The following APTX variants were observed in gnomAD, a reference collection of about 807,000 sequenced individuals.
The protein encoded by APTX is forkhead-associated domain histidine triad-like protein.
A neutral mutation model predicts 42.3 loss-of-function variants in APTX; 33 were observed. The ratio of observed to expected loss-of-function variants is 0.78; its 90% confidence interval spans 0.59 to 1.04. The LOEUF (loss-of-function observed/expected upper bound fraction) is 1.04, where lower values mean the gene tolerates loss of function less well. Ranked by LOEUF, APTX falls within the 50% of genes least tolerant of loss-of-function variation. The probability of loss-of-function intolerance (pLI) is 0.00; values close to 1 mark genes in which losing one functional copy is unlikely to be tolerated. For missense variants in APTX, 421 were observed against 415.1 expected, an observed-to-expected ratio of 1.01 and a Z score of -0.12; for synonymous variants, 130 against 146.7, an observed-to-expected ratio of 0.89 and a Z score of 0.82.
intron 2 of APTX, among the ~76,000 whole-genome samples, chr9:32,988,668 G>A (rs1391969962): frequency 1.8e-5 from 2 of 112,294 alleles, no homozygotes; most frequent in Non-Finnish European, 3.4e-5. Flanking sequence ...GCAACAGAGT[G>A]AGACCCTATC....
At chr9:33,025,002 T>G (rs1838755186) in intron 1 of APTX, 1 of 152,162 alleles carries the variant, frequency 6.6e-6, no homozygotes, top group South Asian at 2.1e-4. Flanking sequence ...GGACTTGCAG[T>G]GCTCCTGGGC....
intron 1 of APTX, among the ~76,000 whole-genome samples, chr9:32,999,390 G>A (rs1835731534): frequency 6.6e-6 from 1 of 152,160 alleles, no homozygotes; most frequent in Non-Finnish European, 1.5e-5. Context: ...AGTTATAATG[G>A]ACCACCAAGG....
At chr9:32,973,759 G>C (rs1828644356) in intron 7 of APTX, 107 bp from the exon 8 acceptor site, 2 of 1,432,292 alleles carry the variant, frequency 1.4e-6, no homozygotes, top group East Asian at 2.3e-5. Flanking sequence ...CAGTATGCCA[G>C]GCCAGGTATT....
chr9:32,985,849 C>A, intron 5 of APTX, 122 bp downstream of exon 5: 1 of 938,168 alleles, frequency 1.1e-6, no homozygotes. Context: ...CACAGAACAG[C>A]CCAATAAAAT....
Position 33,024,859 on chromosome 9 carries a change from A to AG in APTX, c.-5+163dup, listed in dbSNP as rs776208094. 32 of 6,818 alleles carry AG rather than the reference A, an allele frequency of 4.7e-3. 1 individual carries two copies. The South Asian group carries it at 0.069, about 15-fold the overall frequency. 0.4% of individuals were successfully genotyped at this position (6,818 alleles called of 1,614,324 possible). A position where few individuals can be genotyped will look rare whatever the true frequency, so the allele number is the denominator to read the frequency against. On this transcript the variant is annotated intron_variant, in intron 1 of 6. Transcript: ENST00000436040. ...CCCAAAAAGAGAAGAGGCGCCCGTA[A>AG]GAGGGGGGGGGGGGGGGGCAAGACT...
chr9:33,024,861 AGGGGGGG>A (rs67524781), intron 1 of APTX: 10,657 of 54,926 alleles, frequency 0.19, 2,069 homozygotes, highest in Non-Finnish European at 0.26. Context: ...CGCCCGTAAG[AGGGGGGG>A]GGGGGGGGGC....
rs370830283 is a variant in APTX, at chr9:32,996,292, T to TC, written c.-5+5274dup. On this transcript the variant is annotated intron_variant, in intron 1 of 7. Coordinates refer to ENST00000379817, the MANE Select transcript of APTX (RefSeq NM_001195248.2). ...AATAAATCGCTCTTTTTTTTTTTTT[T>TC]CTGAGACAGGGTCTCACTCTGTTGC... is the stretch of plus-strand genomic sequence containing the variant. Among the ~76,000 whole-genome samples the TC allele has an allele frequency of 3.3e-5, 5 of 151,444 alleles. No individual in the cohort carries two copies. In the East Asian group the frequency reaches 5.8e-4, roughly 18 times the overall value.
At chr9:33,004,188 C>T (rs1244883412), upstream of APTX, among the ~76,000 whole-genome samples, 1 of 152,224 alleles carries the variant, frequency 6.6e-6, no homozygotes, top group Non-Finnish European at 1.5e-5. Flanking sequence ...CCAAATACCA[C>T]ATGTTCTCAC....
intron 1 of APTX, among the ~76,000 whole-genome samples, chr9:33,015,454 G>A (rs1198432847): frequency 6.6e-6 from 1 of 152,142 alleles, no homozygotes; most frequent in Non-Finnish European, 1.5e-5. Flanking sequence ...CACCTCCCGG[G>A]TTCAAGTGAT....
At chr9:32,976,148 T>C (rs1829335359) in intron 6 of APTX, among the ~76,000 whole-genome samples, 1 of 151,498 alleles carries the variant, frequency 6.6e-6, no homozygotes, top group African/African-American at 2.4e-5. Context: ...AAACACTGCA[T>C]GTTCTCACTC....
chr9:32,987,075 A>C (rs1563966297), intron 4 of APTX, among the ~76,000 whole-genome samples: 2 of 152,178 alleles, frequency 1.3e-5, no homozygotes, highest in African/African-American at 4.8e-5. Context: ...CGGCCTCCCA[A>C]AGCGCTGAGA....
chr9:33,003,993 T>G (rs1055314665), upstream of APTX, among the ~76,000 whole-genome samples: 2 of 152,252 alleles, frequency 1.3e-5, no homozygotes, highest in African/African-American at 4.8e-5. Context: ...TTTCACAATT[T>G]GCAATTGCAA....
At chr9:33,000,625 C>CAAAAAAAAAAAAAAAA (rs60760701) in intron 1 of APTX, among the ~76,000 whole-genome samples, 50 of 63,328 alleles carry the variant, frequency 7.9e-4, no homozygotes, top group Non-Finnish European at 1.1e-3. Context: ...GACTCTGTCT[C>CAAAAAAAAAAAAAAAA]AAAAAAAAAA....
intron 1 of APTX, among the ~76,000 whole-genome samples, chr9:33,000,488 CG>C (rs1459326194): frequency 3.3e-5 from 5 of 151,576 alleles, no homozygotes; most frequent in Non-Finnish European, 1.5e-5. Context: ...ATTAGCCAGG[CG>C]TCGTGGCACA....
chr9:32,992,952 G>A (rs1286831983), intron 1 of APTX, among the ~76,000 whole-genome samples: 1 of 152,204 alleles, frequency 6.6e-6, no homozygotes, highest in East Asian at 1.9e-4. Context: ...GCGTTCCAAG[G>A]GGCATCTGTT....
chr9:33,000,625 C>CAAAAAAAAAAAAAAAAAAAAAAAAAAAA (rs60760701), intron 1 of APTX, among the ~76,000 whole-genome samples: 17 of 63,414 alleles, frequency 2.7e-4, no homozygotes, highest in Non-Finnish European at 3.9e-4. Context: ...GACTCTGTCT[C>CAAAAAAAAAAAAAAAAAAAAAAAAAAAA]AAAAAAAAAA....
At chr9:33,015,594 T>A (rs1258431254) in intron 1 of APTX, among the ~76,000 whole-genome samples, 2 of 152,184 alleles carry the variant, frequency 1.3e-5, no homozygotes, top group African/African-American at 4.8e-5. Flanking sequence ...CCTGATCTCA[T>A]GATCTGCCTG....
intron 1 of APTX, among the ~76,000 whole-genome samples, chr9:33,016,784 G>A (rs781683394): frequency 3.2e-4 from 49 of 152,252 alleles, no homozygotes; most frequent in Admixed American, 5.9e-4. Context: ...TCTGATGTTA[G>A]AGGAGGGCAG....
At position 32,989,810 on chromosome 9, in the gene APTX, C is replaced by T. The variant is rs2118866546; in HGVS notation, c.82G>A (p.Gly28Arg). Residue 28 changes from glycine (G) to arginine (R), a missense_variant, in exon 2 of 8, where the codon GGG becomes AGG. By Grantham distance (125) the Gly-to-Arg change is moderately radical. Transcript: ENST00000379817. Reference protein sequence around the residue: ...RLPHLEAVVIGRGPETKITDK... With the variant: ...RLPHLEAVVIRRGPETKITDK... ...GTGATCTTGGTCTCTGGGCCACGCC[C>T]AATCACAACTGCTTCCAAATGTGGA... The T allele has an allele frequency of 8.1e-6, 13 of 1,614,260 alleles. No homozygotes were observed. The highest frequency in any genetic ancestry group is 1.0e-5 in the Non-Finnish European group (12 of 1,180,048).
Sources: gnomAD v4.1 joint callset for allele counts (sites outside exome capture counted in the v4.1 genomes callset) on GRCh38, gnomAD v4.1.1 for gene constraint, MANE v1.5 for transcripts, NCBI Gene and HGNC (gene_info 2026-07-23, HGNC 2026-07-21) for gene names.